The following CDH4 variants were observed in gnomAD, a reference collection of about 807,000 sequenced individuals.
The protein encoded by CDH4 is cadherin 4.
A neutral mutation model predicts 86.0 loss-of-function variants in CDH4; 33 were observed. The observed-to-expected ratio is 0.38, with a 90% CI of 0.29 to 0.51. CDH4 has a LOEUF of 0.51. Ranked by LOEUF, CDH4 falls within the 20% of genes least tolerant of loss-of-function variation. The probability of loss-of-function intolerance (pLI) is 0.86; values close to 1 mark genes in which losing one functional copy is unlikely to be tolerated. For synonymous variants in CDH4, 555 were observed against 549.4 expected (o/e 1.01, Z -0.14); for missense variants, 1,114 against 1,307.4 (o/e 0.85, Z 2.28).
rs2145777278 is a variant in CDH4, at chr20:61,623,011, A to G, written c.170-120552A>G. On this transcript the variant is annotated intron_variant, in intron 2 of 15. Coordinates refer to ENST00000614565, the MANE Select transcript of CDH4 (RefSeq NM_001794.5). This position sits in a 1 kb window ranked among gnomAD's most constrained non-coding sequence, Gnocchi z 4.4. ...ACAGTGGGATAGGCCTGTTACCAAC[A>G]TGGACCACAACCAGTCATTTAAGAC... Among the ~76,000 whole-genome samples the G allele has an allele frequency of 1.3e-5, 2 of 152,298 alleles. No homozygotes were observed. Among genetic ancestry groups the G allele is most frequent in the East Asian group, 1.9e-4 (1 of 5,172 alleles).
At chr20:61,340,657 T>G (rs2084645068) in intron 2 of CDH4, among the ~76,000 whole-genome samples, 1 of 151,802 alleles carries the variant, frequency 6.6e-6, no homozygotes, top group Non-Finnish European at 1.5e-5. Context: ...TGATCACGGC[T>G]CACTGCAGCC....
In CDH4 at chr20:61,861,304, G is replaced by A. The variant is rs968005452; in HGVS notation, c.877+8406G>A. Among the ~76,000 whole-genome samples, 7 of 152,332 alleles carry A rather than the reference G, an allele frequency of 4.6e-5. No homozygotes were observed. The East Asian group carries it at 1.4e-3, about 29-fold the overall frequency. ...CCGGCGGCATTCATCCACTCGGCCA[G>A]GTGCCAGGCACCACTCTTAAGTTCT... On this transcript the variant is annotated intron_variant, in intron 6 of 15. Transcript: ENST00000614565.
intron 2 of CDH4, among the ~76,000 whole-genome samples, chr20:61,538,577 G>A (rs1009484186): frequency 6.6e-6 from 1 of 152,176 alleles, no homozygotes. Context: ...GGTGCCTCCT[G>A]GGTGGATGCA....
rs1415594995 is a variant in CDH4, at chr20:61,721,762, C to T, written c.170-21801C>T. On this transcript the variant is annotated intron_variant, in intron 2 of 15. Coordinates refer to ENST00000614565, the MANE Select transcript of CDH4 (RefSeq NM_001794.5). ...CAAGGACCTCGTGAAGTATCAATCACCTCCAAACTGACTTCATTACCAGCT... is the reference window on the plus strand; with the variant it reads ...CAAGGACCTCGTGAAGTATCAATCATCTCCAAACTGACTTCATTACCAGCT... Among the ~76,000 whole-genome samples, 3 of 152,172 alleles carry T rather than the reference C, an allele frequency of 2.0e-5. 1 individual carries two copies. The highest frequency in any genetic ancestry group is 1.3e-4 in the Admixed American group (2 of 15,280).
At chr20:61,794,662 G>A (rs987027688) in intron 4 of CDH4, among the ~76,000 whole-genome samples, 3 of 152,196 alleles carry the variant, frequency 2.0e-5, no homozygotes, top group African/African-American at 7.2e-5. Context: ...TCCTTGGACT[G>A]GACACAGGCT....
At chr20:61,293,279 A>AT (rs891716927) in intron 2 of CDH4, among the ~76,000 whole-genome samples, 1 of 152,148 alleles carries the variant, frequency 6.6e-6, no homozygotes, top group African/African-American at 2.4e-5. Context: ...ATGAGGGTGG[A>AT]TGAGAGTGGT....
intron 4 of CDH4, among the ~76,000 whole-genome samples, chr20:61,787,053 AATG>A (rs1257169514): frequency 5.3e-5 from 8 of 152,322 alleles, no homozygotes; most frequent in African/African-American, 1.7e-4. Flanking sequence ...CTGTGCATGA[AATG>A]ATGATGACAG....
intron 2 of CDH4, among the ~76,000 whole-genome samples, chr20:61,272,947 G>A (rs1462858314): frequency 1.7e-5 from 2 of 120,994 alleles, no homozygotes; most frequent in Non-Finnish European, 3.4e-5. Context: ...GTGCAGTTTG[G>A]GGGAGTATTG....
intron 2 of CDH4, among the ~76,000 whole-genome samples, chr20:61,554,103 C>T (rs1052181708): frequency 2.0e-5 from 3 of 152,196 alleles, no homozygotes; most frequent in Non-Finnish European, 4.4e-5. Flanking sequence ...CCTGGCTCTA[C>T]CTTCTGTTTC....
chr20:61,535,594 T>A (rs1473940801), intron 2 of CDH4, among the ~76,000 whole-genome samples: 1 of 152,204 alleles, frequency 6.6e-6, no homozygotes, highest in African/African-American at 2.4e-5. Flanking sequence ...TGGGGCCTGG[T>A]GCAGGATGAA....
chr20:61,635,031 G>T (rs1228174929), intron 2 of CDH4, among the ~76,000 whole-genome samples: 1 of 152,142 alleles, frequency 6.6e-6, no homozygotes, highest in African/African-American at 2.4e-5. Flanking sequence ...TTGCTTTCGT[G>T]CCCGTCTGCC....
At chr20:61,500,186 C>G (rs558901451) in intron 2 of CDH4, among the ~76,000 whole-genome samples, 18 of 152,278 alleles carry the variant, frequency 1.2e-4, no homozygotes, top group African/African-American at 4.3e-4. Flanking sequence ...GTTCATACTA[C>G]TGTTGTGTTT....
intron 2 of CDH4, among the ~76,000 whole-genome samples, chr20:61,372,028 G>C (rs2084843701): frequency 6.6e-6 from 1 of 152,222 alleles, no homozygotes; most frequent in Admixed American, 6.5e-5. Flanking sequence ...GGCTTACAGG[G>C]CTCTGAATTT....
intron 2 of CDH4, among the ~76,000 whole-genome samples, chr20:61,540,107 A>C (rs916836720): frequency 6.6e-6 from 1 of 152,164 alleles, no homozygotes. Flanking sequence ...AATAGGGTGC[A>C]TGCACCGTAG....
At chr20:61,823,098 C>T (rs1285372285) in intron 4 of CDH4, among the ~76,000 whole-genome samples, 1 of 152,144 alleles carries the variant, frequency 6.6e-6, no homozygotes, top group Non-Finnish European at 1.5e-5. Flanking sequence ...GGAGAATTCT[C>T]TTGCTTGGGG....
chr20:61,792,496 G>A (rs1979255151), intron 4 of CDH4, among the ~76,000 whole-genome samples: 1 of 152,292 alleles, frequency 6.6e-6, no homozygotes, highest in Admixed American at 6.5e-5. Flanking sequence ...CCCGGGCTCT[G>A]TGTTCAGCTC....
At chr20:61,666,460 T>G (rs2087325533) in intron 2 of CDH4, among the ~76,000 whole-genome samples, 2 of 152,320 alleles carry the variant, frequency 1.3e-5, no homozygotes, top group South Asian at 4.1e-4. Flanking sequence ...GCATCAATGC[T>G]ATGACTTCCA....
rs2084996767 is a variant in CDH4 at position 61,393,262 on chromosome 20, A to G, written c.169+138325A>G. ...CCAGTGTTCCCTCCAACAAGAGGCC[A>G]TCTCACGGGCGAGCCCACACACCTG... On this transcript the variant is annotated intron_variant, in intron 2 of 15. Transcript: ENST00000614565. This position sits in a 1 kb window ranked among gnomAD's most constrained non-coding sequence, Gnocchi z 4.3. 6.6e-6 allele frequency among the ~76,000 whole-genome samples: 1 copy of G among 152,082 alleles called. No homozygotes were observed. Among genetic ancestry groups the G allele is most frequent in the South Asian group, 2.1e-4 (1 of 4,826 alleles).
intron 9 of CDH4, among the ~76,000 whole-genome samples, chr20:61,915,446 T>C (rs116358469): frequency 0.021 from 3,176 of 152,234 alleles, 106 homozygotes; most frequent in African/African-American, 0.072. Context: ...GTCCAAGGCC[T>C]CCTGAGGCAG....
Sources: allele counts gnomAD v4.1 joint callset (sites outside exome capture counted in the v4.1 genomes callset), GRCh38; gene constraint gnomAD v4.1.1; non-coding constraint Gnocchi (gnomAD v3.1); transcripts MANE v1.5; gene names NCBI Gene and HGNC (gene_info 2026-07-23, HGNC 2026-07-21).